The following UBE2QL1 variants were observed in gnomAD, a reference collection of about 807,000 sequenced individuals.
UBE2QL1 encodes the protein ubiquitin-conjugating enzyme E2Q-like protein 1.
Under a neutral mutation model 12.6 loss-of-function variants are expected in UBE2QL1, and 5 were observed. The observed-to-expected ratio is 0.40, with a 90% confidence interval of 0.21 to 0.83. The LOEUF is 0.83. Among genes scored for constraint, UBE2QL1 ranks in the 40% least tolerant of loss-of-function variants. UBE2QL1 has a pLI of 0.37. For synonymous variants in UBE2QL1, 96 were observed against 94.5 expected (o/e 1.02, Z -0.10); for missense variants, 99 against 222.6 (o/e 0.44, Z 3.53).
At chr5:6,461,540 A>ACCCCCCCC (rs71606052) in intron 1 of UBE2QL1, among the ~76,000 whole-genome samples, 25 of 46,810 alleles carry the variant, frequency 5.3e-4, no homozygotes, top group Non-Finnish European at 7.7e-4. Context: ...TTCAGCACCC[A>ACCCCCCCC]CCACCCCCCC....
intron 1 of UBE2QL1, among the ~76,000 whole-genome samples, chr5:6,467,903 C>CT (rs1739831671): frequency 6.6e-6 from 1 of 152,050 alleles, no homozygotes; most frequent in Non-Finnish European, 1.5e-5. Context: ...TTCTTTCTTC[C>CT]TTTTTCAGAT....
intron 1 of UBE2QL1, among the ~76,000 whole-genome samples, chr5:6,485,188 C>T (rs970961536): frequency 6.6e-6 from 1 of 152,166 alleles, no homozygotes; most frequent in Non-Finnish European, 1.5e-5. Context: ...CCCCCAGGCT[C>T]ACAATAAGGG....
At chr5:6,474,631 C>G (rs555669261) in intron 1 of UBE2QL1, among the ~76,000 whole-genome samples, 14 of 152,306 alleles carry the variant, frequency 9.2e-5, no homozygotes, top group Admixed American at 9.1e-4. Context: ...AACATGCATA[C>G]CATCCTTTCT....
rs897507564 is a variant in UBE2QL1, at chr5:6,481,798, A to C, written c.355-9420A>C. ...ACAACACCCCAAAACTGACCGCCAT[A>C]CCACCTCCCAAATGACCATCCACAA... On this transcript the variant is annotated intron_variant, in intron 1 of 1. Coordinates refer to ENST00000399816, the MANE Select transcript of UBE2QL1 (RefSeq NM_001145161.3). The surrounding 1 kb of genome is among the most constrained non-coding windows in gnomAD (Gnocchi z 4.5). 8.5e-5 allele frequency among the ~76,000 whole-genome samples: 13 copies of C among 152,206 alleles called. No homozygotes were observed. The highest frequency in any genetic ancestry group is 1.5e-4 in the Non-Finnish European group (10 of 68,010).
In UBE2QL1 at chr5:6,450,088, C is replaced by CCCA. The variant is rs1553987123; in HGVS notation, c.354+843_354+844insACC. On this transcript the variant is annotated intron_variant, in intron 1 of 1. Coordinates refer to ENST00000399816, the MANE Select transcript of UBE2QL1 (RefSeq NM_001145161.3). ...ATTCCCTTAAGAGACAAGACCAGAC[C>CCCA]CCCCCCCCCCACGGCAATGCCTGTT... 3.8e-4 allele frequency among the ~76,000 whole-genome samples: 36 copies of CCCA among 95,826 alleles called. 1 individual carries two copies. The highest frequency in any genetic ancestry group is 9.2e-4 in the African/African-American group (29 of 31,370). The allele number at this position is 95,826 out of a possible 152,430, so 62.9% of individuals were successfully genotyped here.
chr5:6,478,994 G>T lies in UBE2QL1; in HGVS notation c.355-12224G>T, dbSNP rs1197318605. On this transcript the variant is annotated intron_variant, in intron 1 of 1. Transcript: ENST00000399816. This position sits in a 1 kb window ranked among gnomAD's most constrained non-coding sequence, Gnocchi z 4.5. ...AGGAGTGAGGAAGGCCAGGCCTCAT[G>T]ACAGAGCTGCCTGCCCTGGGGGCGT... Among the ~76,000 whole-genome samples, 3 of 152,194 alleles carry T rather than the reference G, an allele frequency of 2.0e-5. No individual in the cohort carries two copies. The highest frequency in any genetic ancestry group is 2.9e-5 in the Non-Finnish European group (2 of 68,040).
rs543885330 is a variant in UBE2QL1, at chr5:6,476,202, C to T, written c.355-15016C>T. Among the ~76,000 whole-genome samples the T allele has an allele frequency of 3.9e-5, 6 of 152,094 alleles. No homozygotes were observed. Among genetic ancestry groups the T allele is most frequent in the African/African-American group, 1.4e-4 (6 of 41,500 alleles). ...CCTGAGCAGGGAGGGGGTGGGGTCC[C>T]GATGTTTGTGCAGAGGAGACACCTC... On this transcript the variant is annotated intron_variant, in intron 1 of 1. Coordinates refer to ENST00000399816, the MANE Select transcript of UBE2QL1 (RefSeq NM_001145161.3). This position sits in a 1 kb window ranked among gnomAD's most constrained non-coding sequence, Gnocchi z 4.9.
At chr5:6,485,593 A>T (rs900002807) in intron 1 of UBE2QL1, among the ~76,000 whole-genome samples, 2 of 152,230 alleles carry the variant, frequency 1.3e-5, no homozygotes, top group Admixed American at 1.3e-4. Flanking sequence ...GCTTAAGGTT[A>T]CGAGTGCTTT....
chr5:6,489,514 A>G (rs1351775696), intron 1 of UBE2QL1, among the ~76,000 whole-genome samples: 1 of 152,220 alleles, frequency 6.6e-6, no homozygotes, highest in African/African-American at 2.4e-5. Context: ...CCAGAGGGAT[A>G]TCCAGAGCAG....
At chr5:6,484,756 C>A (rs1203692205) in intron 1 of UBE2QL1, among the ~76,000 whole-genome samples, 1 of 151,876 alleles carries the variant, frequency 6.6e-6, no homozygotes, top group Non-Finnish European at 1.5e-5. Flanking sequence ...CTCCCCCTCC[C>A]CTGTTTCTGC....
At chr5:6,487,211 T>C (rs1408780703) in intron 1 of UBE2QL1, among the ~76,000 whole-genome samples, 1 of 152,242 alleles carries the variant, frequency 6.6e-6, no homozygotes, top group Non-Finnish European at 1.5e-5. Context: ...GGGCCACTTG[T>C]CATCTTATTA....
intron 1 of UBE2QL1, among the ~76,000 whole-genome samples, chr5:6,485,065 T>TA (rs1329337176): frequency 6.6e-6 from 1 of 152,052 alleles, no homozygotes; most frequent in East Asian, 1.9e-4. Flanking sequence ...TGTGACACGA[T>TA]ACATGTGTAT....
intron 1 of UBE2QL1, among the ~76,000 whole-genome samples, chr5:6,480,898 C>T (rs1351427696): frequency 2.6e-5 from 4 of 152,154 alleles, no homozygotes; most frequent in East Asian, 1.9e-4. Context: ...CCCTGCTTGA[C>T]GTCTGTGGGG....
At chr5:6,462,081 T>C (rs1225213792) in intron 1 of UBE2QL1, among the ~76,000 whole-genome samples, 1 of 152,140 alleles carries the variant, frequency 6.6e-6, no homozygotes, top group Non-Finnish European at 1.5e-5. Flanking sequence ...GTTTAACCTC[T>C]ACAGGCCTTT....
At position 6,492,346 on chromosome 5, in the gene UBE2QL1, C is replaced by T. The variant is rs939705847; in HGVS notation, c.*997C>T. 1 of 152,238 alleles carries T rather than the reference C, an allele frequency of 6.6e-6. No individual in the cohort carries two copies. Among genetic ancestry groups the T allele is most frequent in the East Asian group, 1.9e-4 (1 of 5,200 alleles). 9.4% of individuals were successfully genotyped at this position (152,238 alleles called of 1,614,324 possible). On this transcript the variant is annotated 3_prime_UTR_variant, in exon 2 of 2. Transcript: ENST00000399816. ...ATGATTTGCATGATCGGGTCTATTT[C>T]ACCCAATAGTCACTTGTGTGTCCCC... is the stretch of plus-strand genomic sequence containing the variant.
intron 1 of UBE2QL1, among the ~76,000 whole-genome samples, chr5:6,458,783 C>T (rs1015479840): frequency 6.6e-6 from 1 of 152,208 alleles, no homozygotes; most frequent in African/African-American, 2.4e-5. Context: ...GAGTGAGTTA[C>T]AAGCTTAAAT....
intron 1 of UBE2QL1, among the ~76,000 whole-genome samples, chr5:6,462,729 C>T (rs549031665): frequency 6.6e-6 from 1 of 152,298 alleles, no homozygotes; most frequent in Admixed American, 6.5e-5. Context: ...ACCCAAAATC[C>T]CTGTGGGACT....
Position 6,478,074 on chromosome 5 carries a change from C to T in UBE2QL1, c.355-13144C>T, listed in dbSNP as rs1301341458. Among the ~76,000 whole-genome samples the T allele has an allele frequency of 1.3e-5, 2 of 152,240 alleles. No homozygotes were observed. Among genetic ancestry groups the T allele is most frequent in the East Asian group, 3.9e-4 (2 of 5,176 alleles). Reference sequence around the variant, plus strand: ...AACAAAGTAGGTGAAGTAAATAATCCATGTAGAGTCTTATTATTGCTGTGC... The same window carrying T: ...AACAAAGTAGGTGAAGTAAATAATCTATGTAGAGTCTTATTATTGCTGTGC... On this transcript the variant is annotated intron_variant, in intron 1 of 1. Transcript: ENST00000399816. This position sits in a 1 kb window ranked among gnomAD's most constrained non-coding sequence, Gnocchi z 4.5.
At chr5:6,474,380 C>T (rs923580320) in intron 1 of UBE2QL1, among the ~76,000 whole-genome samples, 4 of 152,208 alleles carry the variant, frequency 2.6e-5, no homozygotes, top group African/African-American at 9.7e-5. Flanking sequence ...ATTCCCAGAG[C>T]CAGCAGGGTG....
Sources: gnomAD v4.1 joint callset for allele counts (sites outside exome capture counted in the v4.1 genomes callset) on GRCh38, gnomAD v4.1.1 for gene constraint, Gnocchi (gnomAD v3.1) non-coding constraint, MANE v1.5 for transcripts, NCBI Gene and HGNC (gene_info 2026-07-23, HGNC 2026-07-21) for gene names.